The following PCDHGB1 variants were observed in gnomAD, a reference collection of about 807,000 sequenced individuals.
The protein encoded by PCDHGB1 is protocadherin gamma subfamily B, 1, also known as protocadherin gamma-B1.
A neutral mutation model predicts 56.6 loss-of-function variants in PCDHGB1; 34 were observed. That is an observed-to-expected ratio of 0.60 (90% confidence interval 0.46 to 0.80). The LOEUF (loss-of-function observed/expected upper bound fraction) is 0.80, where lower values mean the gene tolerates loss of function less well. PCDHGB1 is among the 30% of genes least tolerant of loss of function. PCDHGB1 has a pLI of 0.00. For missense variants in PCDHGB1, 1,278 were observed against 1,204.6 expected (o/e 1.06, Z -0.90); for synonymous variants, 561 against 505.9 (o/e 1.11, Z -1.46).
chr5:141,459,025 A>C (rs2098959135), intron 1 of PCDHGB1, among the ~76,000 whole-genome samples: 1 of 152,336 alleles, frequency 6.6e-6, no homozygotes, highest in Non-Finnish European at 1.5e-5. Flanking sequence ...GAGCCACCAC[A>C]TCCAGCCTTA....
At chr5:141,505,336 G>A in intron 2 of PCDHGB1, 57 bp from the exon 3 acceptor site, 2 of 1,611,374 alleles carry the variant, frequency 1.2e-6, no homozygotes, top group South Asian at 1.1e-5. Flanking sequence ...GAGGACAGGA[G>A]GGGCATGAGC....
At chr5:141,497,553 T>C (rs2099777684) in intron 2 of PCDHGB1, among the ~76,000 whole-genome samples, 1 of 151,326 alleles carries the variant, frequency 6.6e-6, no homozygotes, top group South Asian at 2.1e-4. Context: ...TTTTTTTTTT[T>C]TTTTTAGACA....
intron 1 of PCDHGB1, among the ~76,000 whole-genome samples, chr5:141,494,157 G>A (rs929922206): frequency 5.9e-5 from 9 of 152,312 alleles, no homozygotes; most frequent in African/African-American, 1.7e-4. Context: ...TGTCTGGCAC[G>A]GAGTTCTAGG....
chr5:141,435,718 G>T (rs2097776232), intron 1 of PCDHGB1, among the ~76,000 whole-genome samples: 1 of 152,150 alleles, frequency 6.6e-6, no homozygotes, highest in African/African-American at 2.4e-5. Context: ...GACACTGAAT[G>T]CTAAAGTGTA....
At position 141,351,952 on chromosome 5, in the gene PCDHGB1, G is replaced by A. The variant is rs1205013199; in HGVS notation, c.1692G>A (p.Gly564=). Reference sequence around the variant, plus strand: ...CACGGGTGCTGTACCCCGCGCTGGGGCCTGATGGCTCCGCCCTCTTCGATA... The same window carrying A: ...CACGGGTGCTGTACCCCGCGCTGGGACCTGATGGCTCCGCCCTCTTCGATA... ...NAPRVLYPAL[G]PDGSALFDMV... Residue 564 remains glycine, a synonymous_variant, in exon 1 of 4, where the codon GGG becomes GGA. Coordinates refer to ENST00000523390, the MANE Select transcript of PCDHGB1 (RefSeq NM_018922.3). 1 of 1,613,070 alleles carries A rather than the reference G, an allele frequency of 6.2e-7. No individual in the cohort carries two copies. Among genetic ancestry groups the A allele is most frequent in the African/African-American group, 1.3e-5 (1 of 75,050 alleles).
At chr5:141,359,202 T>C (rs115467151) in intron 1 of PCDHGB1, among the ~76,000 whole-genome samples, 2 of 152,140 alleles carry the variant, frequency 1.3e-5, no homozygotes, top group African/African-American at 4.8e-5. Context: ...CAAGTGAATG[T>C]TGAGAGACAA....
chr5:141,438,344 C>A (rs1591501799), intron 1 of PCDHGB1, among the ~76,000 whole-genome samples: 1 of 151,664 alleles, frequency 6.6e-6, no homozygotes, highest in African/African-American at 2.4e-5. Flanking sequence ...ATATAAGGAT[C>A]TACTCTGTGT....
At position 141,353,509 on chromosome 5, in the gene PCDHGB1, A is replaced by G. The variant is rs537109889; in HGVS notation, c.2409+840A>G. 3.3e-5 allele frequency among the ~76,000 whole-genome samples: 5 copies of G among 152,308 alleles called. No homozygotes were observed. In the East Asian group the frequency reaches 9.6e-4, roughly 29 times the overall value. ...CACTTTGTCTCATCACAAGTAGCAA[A>G]TATTGTCCAATTTTATATTTGCATC... On this transcript the variant is annotated intron_variant, in intron 1 of 3. Transcript: ENST00000523390.
chr5:141,404,227 A>G, intron 1 of PCDHGB1: 3 of 1,613,818 alleles, frequency 1.9e-6, no homozygotes, highest in East Asian at 2.2e-5. Context: ...TGACTGCAAC[A>G]GACAGAGGAA....
chr5:141,362,794 C>T (rs865957377), intron 1 of PCDHGB1, among the ~76,000 whole-genome samples: 2 of 152,246 alleles, frequency 1.3e-5, no homozygotes, highest in African/African-American at 4.8e-5. Context: ...TTTTCTTCCT[C>T]ATCTTTACAT....
chr5:141,404,758 T>C, intron 1 of PCDHGB1: 1 of 1,613,742 alleles, frequency 6.2e-7, no homozygotes, highest in Non-Finnish European at 8.5e-7. Flanking sequence ...GCCAGAATGC[T>C]TGGCTCTCCT....
chr5:141,466,977 C>T (rs2099133275), intron 1 of PCDHGB1, among the ~76,000 whole-genome samples: 1 of 151,786 alleles, frequency 6.6e-6, no homozygotes. Flanking sequence ...CACAGCTCAT[C>T]ATTTACCTTT....
Position 141,511,212 on chromosome 5 carries a change from C to T in PCDHGB1, c.*39C>T. ...CCAAGAGCCACAGGGCGGCCTCTCC[C>T]CAACCAGCCCAGCTTCTCCTTACCT... is the stretch of plus-strand genomic sequence containing the variant. On this transcript the variant is annotated 3_prime_UTR_variant, in exon 4 of 4. Coordinates refer to ENST00000523390, the MANE Select transcript of PCDHGB1 (RefSeq NM_018922.3). 6.2e-7 allele frequency: 1 copy of T among 1,608,656 alleles called. No individual in the cohort carries two copies. Among genetic ancestry groups the T allele is most frequent in the Non-Finnish European group, 8.5e-7 (1 of 1,177,502 alleles).
intron 1 of PCDHGB1, chr5:141,388,909 C>T: frequency 6.2e-7 from 1 of 1,613,902 alleles, no homozygotes. Flanking sequence ...AATGACAACG[C>T]CCCAGAAGTG....
chr5:141,410,255 C>T (rs758117248), intron 1 of PCDHGB1: 26 of 1,614,030 alleles, frequency 1.6e-5, no homozygotes, highest in Non-Finnish European at 1.9e-5. Flanking sequence ...CTCTGACCCC[C>T]AGGCTGAACT....
At chr5:141,436,668 C>CA (rs1159051861) in intron 1 of PCDHGB1, among the ~76,000 whole-genome samples, 1 of 151,748 alleles carries the variant, frequency 6.6e-6, no homozygotes, top group South Asian at 2.1e-4. Flanking sequence ...AGTGGTTGAC[C>CA]AAAAAAAGGA....
In PCDHGB1 at chr5:141,464,280, A is replaced by C. The variant is rs934753450; in HGVS notation, c.2410-30527A>C. Among the ~76,000 whole-genome samples, 148 of 75,930 alleles carry C rather than the reference A, an allele frequency of 1.9e-3. 1 individual carries two copies. Among genetic ancestry groups the C allele is most frequent in the African/African-American group, 0.011 (146 of 12,968 alleles). 49.8% of individuals were successfully genotyped at this position (75,930 alleles called of 152,430 possible). Reference sequence around the variant, plus strand: ...ACTCCGTCTAAAAAAAAAAAAAAGCAAAAAAAAAAACTCCATTGTATGTGC... The same window carrying C: ...ACTCCGTCTAAAAAAAAAAAAAAGCCAAAAAAAAAACTCCATTGTATGTGC... On this transcript the variant is annotated intron_variant, in intron 1 of 3. Transcript: ENST00000523390.
intron 1 of PCDHGB1, chr5:141,423,809 GT>G (rs1484832928): frequency 7.9e-7 from 1 of 1,259,912 alleles, no homozygotes; most frequent in African/African-American, 1.6e-5. Context: ...ATACATGTGA[GT>G]TTTACTTTGC....
rs774582698 is a variant in PCDHGB1, at chr5:141,360,234, C to G, written c.2409+7565C>G. 1.9e-6 allele frequency: 3 copies of G among 1,613,870 alleles called. No individual in the cohort carries two copies. In the South Asian group the frequency reaches 3.3e-5, roughly 18 times the overall value. On this transcript the variant is annotated intron_variant, in intron 1 of 3. Coordinates refer to ENST00000523390, the MANE Select transcript of PCDHGB1 (RefSeq NM_018922.3). ...TCCCCGGGGCTCTCCCAGTCCAGAT[C>G]CGCTATTCAATTCCAGAGGAGCTGG...
Sources: allele counts gnomAD v4.1 joint callset (sites outside exome capture counted in the v4.1 genomes callset), GRCh38; gene constraint gnomAD v4.1.1; transcripts MANE v1.5; gene names NCBI Gene and HGNC (gene_info 2026-07-23, HGNC 2026-07-21).